ABHD18: variants seen among roughly 807,000 people sequenced by gnomAD.
The protein encoded by ABHD18 is cardiolipin-specific deacylase, mitochondrial.
ABHD18 carries 55 observed loss-of-function variants against 65.9 expected under a neutral mutation model. That is an observed-to-expected ratio of 0.84 (90% CI 0.67 to 1.05). The LOEUF (loss-of-function observed/expected upper bound fraction) is 1.05. ABHD18 is among the 50% of genes least tolerant of loss of function. The pLI, the probability that ABHD18 is intolerant of heterozygous loss-of-function variation, is 0.00. For synonymous variants in ABHD18, 181 were observed against 180.2 expected, an observed-to-expected ratio of 1.00 and a Z score of -0.04; for missense variants, 533 against 558.5, an observed-to-expected ratio of 0.95 and a Z score of 0.46.
At chr4:127,970,223 A>C (rs1746467490) in intron 1 of ABHD18, among the ~76,000 whole-genome samples, 1 of 152,008 alleles carries the variant, frequency 6.6e-6, no homozygotes, top group African/African-American at 2.4e-5. Context: ...ACTATTGTGG[A>C]TTCTACTTAT....
At chr4:128,032,857 A>G (rs970287985) in intron 12 of ABHD18, among the ~76,000 whole-genome samples, 1 of 152,246 alleles carries the variant, frequency 6.6e-6, no homozygotes, top group Non-Finnish European at 1.5e-5. Flanking sequence ...CATACATTAC[A>G]TGTACACAAG....
intron 1 of ABHD18, among the ~76,000 whole-genome samples, chr4:127,979,068 A>T (rs534679199): frequency 3.0e-4 from 46 of 152,332 alleles, no homozygotes; most frequent in Non-Finnish European, 4.9e-4. Flanking sequence ...AATGTGAACA[A>T]CCTACAGAAT....
intron 7 of ABHD18, among the ~76,000 whole-genome samples, chr4:128,013,606 G>A (rs1233988458): frequency 6.6e-6 from 1 of 152,024 alleles, no homozygotes; most frequent in African/African-American, 2.4e-5. Flanking sequence ...GCTGAGGCAG[G>A]AGAATGGCGT....
intron 4 of ABHD18, among the ~76,000 whole-genome samples, chr4:128,005,549 A>C (rs1312534551): frequency 1.3e-5 from 2 of 152,104 alleles, no homozygotes; most frequent in Non-Finnish European, 2.9e-5. Context: ...TGCAGCCTTA[A>C]ATTTCTGGGC....
At chr4:128,019,548 C>T (rs1326080910) in intron 8 of ABHD18, among the ~76,000 whole-genome samples, 1 of 152,174 alleles carries the variant, frequency 6.6e-6, no homozygotes, top group Non-Finnish European at 1.5e-5. Flanking sequence ...TTCCTCCAGC[C>T]CAGAAGGGAA....
At chr4:127,976,274 T>G (rs72616977) in intron 1 of ABHD18, among the ~76,000 whole-genome samples, 4,541 of 152,238 alleles carry the variant, frequency 0.03, 299 homozygotes, top group East Asian at 0.27. Context: ...TCTTTCAAGT[T>G]AAGAATAGAT....
At chr4:128,003,963 CA>C (rs926522411) in intron 4 of ABHD18, among the ~76,000 whole-genome samples, 22 of 133,518 alleles carry the variant, frequency 1.6e-4, no homozygotes, top group Non-Finnish European at 2.6e-4. Flanking sequence ...AAAAAAAAAA[CA>C]AAAAAAAACC....
intron 8 of ABHD18, 53 bp from the exon 9 acceptor site, chr4:128,020,027 T>C (rs1403067003): frequency 2.5e-6 from 3 of 1,184,260 alleles, no homozygotes; most frequent in African/African-American, 3.1e-5. Flanking sequence ...TAAATATTTT[T>C]ATTTTAATGA....
chr4:127,989,312 T>C (rs1355803551), intron 3 of ABHD18, among the ~76,000 whole-genome samples: 2 of 152,126 alleles, frequency 1.3e-5, no homozygotes, highest in Non-Finnish European at 1.5e-5. Flanking sequence ...AGATGATTAA[T>C]TGGTGCAAAT....
intron 4 of ABHD18, among the ~76,000 whole-genome samples, chr4:128,003,453 A>C (rs1753036628): frequency 6.6e-6 from 1 of 152,090 alleles, no homozygotes; most frequent in Admixed American, 6.6e-5. Flanking sequence ...TACCAAATAA[A>C]AAGAGAAGTA....
At chr4:127,994,946 C>G (rs1751501121) in intron 4 of ABHD18, among the ~76,000 whole-genome samples, 1 of 152,136 alleles carries the variant, frequency 6.6e-6, no homozygotes, top group South Asian at 2.1e-4. Flanking sequence ...GTGGCGCGAT[C>G]TTGGCTTACT....
chr4:128,018,460 C>T (rs1052567500), intron 8 of ABHD18, among the ~76,000 whole-genome samples: 2 of 151,980 alleles, frequency 1.3e-5, no homozygotes, highest in Non-Finnish European at 2.9e-5. Flanking sequence ...AAGACCCACC[C>T]TGTCTCTACA....
chr4:128,028,563 C>T lies in ABHD18; in HGVS notation c.890C>T (p.Thr297Ile), dbSNP rs1560933730. Residue 297 changes from threonine to isoleucine, a missense_variant, in exon 11 of 13, where the codon ACT becomes ATT. Transcript: ENST00000645843. Reference sequence around the variant, plus strand: ...ACTAACCTTAATCTGGTTTCCAGAACTTTAAATTTAGATATATCAAACCAA... The same window carrying T: ...ACTAACCTTAATCTGGTTTCCAGAATTTTAAATTTAGATATATCAAACCAA... The part of the protein sequence containing the change: ...KLTNLNLVSR[T>I]LNLDISNQVV... The T allele has an allele frequency of 6.2e-7, 1 of 1,613,074 alleles. No homozygotes were observed. Among genetic ancestry groups the T allele is most frequent in the Admixed American group, 1.7e-5 (1 of 59,822 alleles).
chr4:127,994,004 G>C (rs1364728811), intron 4 of ABHD18, among the ~76,000 whole-genome samples: 1 of 152,082 alleles, frequency 6.6e-6, no homozygotes, highest in Non-Finnish European at 1.5e-5. Flanking sequence ...AAACCTATTT[G>C]TCCTATTGTC....
chr4:127,974,813 G>A (rs1485009013), intron 1 of ABHD18, among the ~76,000 whole-genome samples: 3 of 151,692 alleles, frequency 2.0e-5, no homozygotes, highest in South Asian at 2.1e-4. Flanking sequence ...TGGCCAACAC[G>A]GTGAAACCCC....
At chr4:128,011,304 T>A (rs1579351314) in intron 6 of ABHD18, among the ~76,000 whole-genome samples, 1 of 151,984 alleles carries the variant, frequency 6.6e-6, no homozygotes, top group African/African-American at 2.4e-5. Flanking sequence ...GCCCGCCACC[T>A]CGCCCAGCTA....
At chr4:127,973,834 A>T (rs984092080) in intron 1 of ABHD18, among the ~76,000 whole-genome samples, 5 of 151,066 alleles carry the variant, frequency 3.3e-5, no homozygotes, top group Non-Finnish European at 7.4e-5. Flanking sequence ...AAAAAAAAAA[A>T]AAAAAAAAAA....
intron 4 of ABHD18, among the ~76,000 whole-genome samples, chr4:127,999,569 T>C (rs1752323750): frequency 6.6e-6 from 1 of 152,214 alleles, no homozygotes; most frequent in Non-Finnish European, 1.5e-5. Context: ...GCTCATGACC[T>C]GGGTGATGGG....
rs535086091 is a variant in ABHD18 at position 127,994,596 on chromosome 4, C to A, written c.278+4775C>A. ...AGCAAGAATTCCGTCTCAAAACAAA[C>A]AAAAAAAACAAACAAAATGTCCATT... On this transcript the variant is annotated intron_variant, in intron 4 of 12. Transcript: ENST00000645843. Among the ~76,000 whole-genome samples the A allele has an allele frequency of 7.9e-5, 12 of 151,512 alleles. No homozygotes were observed. The South Asian group carries it at 2.5e-3, about 32-fold the overall frequency.
Sources: allele counts gnomAD v4.1 joint callset (sites outside exome capture counted in the v4.1 genomes callset), GRCh38; gene constraint gnomAD v4.1.1; transcripts MANE v1.5; gene names NCBI Gene and HGNC (gene_info 2026-07-23, HGNC 2026-07-21).